ZNF7: variants seen among roughly 807,000 people sequenced by gnomAD.
The protein encoded by ZNF7 is zinc finger protein 7.
Under a neutral mutation model 12.0 loss-of-function variants are expected in ZNF7, and 10 were observed. The observed-to-expected ratio is 0.83, with a 90% CI of 0.51 to 1.42. ZNF7 has a LOEUF of 1.42. ZNF7 is among the 40% of genes most tolerant of loss of function. The pLI is 0.00. For synonymous variants in ZNF7, 334 were observed against 295.0 expected, an observed-to-expected ratio of 1.13 and a Z score of -1.35; for missense variants, 854 against 837.2, an observed-to-expected ratio of 1.02 and a Z score of -0.25.
intron 3 of ZNF7, 57 bp from the exon 4 acceptor site, chr8:144,837,334 C>T: frequency 2.1e-6 from 3 of 1,455,950 alleles, no homozygotes; most frequent in East Asian, 2.3e-5. Context: ...AGACTTAGCC[C>T]TGTGCTGCAC....
At chr8:144,829,146 GCT>G in intron 2 of ZNF7, 56 bp downstream of exon 2, 14 of 1,611,346 alleles carry the variant, frequency 8.7e-6, no homozygotes, top group Non-Finnish European at 1.2e-5. Flanking sequence ...CCCACCTCCT[GCT>G]CTGCCCACTG....
At chr8:144,846,311 C>T, downstream of ZNF7, 4 of 858,316 alleles carry the variant, frequency 4.7e-6, no homozygotes, top group Non-Finnish European at 6.9e-6. Flanking sequence ...GGTCCTAAGT[C>T]AGGGGCTGGC....
intron 3 of ZNF7, among the ~76,000 whole-genome samples, chr8:144,832,589 G>T (rs1353510180): frequency 6.6e-6 from 1 of 151,862 alleles, no homozygotes; most frequent in Non-Finnish European, 1.5e-5. Flanking sequence ...TTAGCCAGGC[G>T]TGGTGGCGGG....
At chr8:144,831,393 G>A (rs535396959) in intron 3 of ZNF7, among the ~76,000 whole-genome samples, 73 of 139,998 alleles carry the variant, frequency 5.2e-4, no homozygotes, top group Non-Finnish European at 7.1e-4. Context: ...GGGCAAGCTC[G>A]TGTGTGCACA....
At position 144,842,838 on chromosome 8, in the gene ZNF7, G is replaced by T; in HGVS notation, c.1731G>T (p.Gly577=). The T allele has an allele frequency of 6.2e-7, 1 of 1,614,126 alleles. No individual in the cohort carries two copies. The highest frequency in any genetic ancestry group is 8.5e-7 in the Non-Finnish European group (1 of 1,180,024). The stretch of plus-strand genomic sequence containing the variant: ...TCCAACACCAGATAATTCATGCAGG[G>T]GTGAAGCCCTATGAGTGCAGTGAGT... ...TLFQHQIIHA[G]VKPYECSECG... is the part of the protein sequence containing the mutation. Residue 577 remains glycine (G), a synonymous_variant, in exon 5 of 5, where the codon GGG becomes GGT. Coordinates refer to ENST00000532777, the MANE Select transcript of ZNF7 (RefSeq NM_003416.4).
Position 144,842,004 on chromosome 8 carries a change from C to T in ZNF7, c.897C>T (p.Ile299=). 1 of 1,614,174 alleles carries T rather than the reference C, an allele frequency of 6.2e-7. No homozygotes were observed. Among genetic ancestry groups the T allele is most frequent in the Non-Finnish European group, 8.5e-7 (1 of 1,180,034 alleles). The part of the protein sequence containing the change: ...LSSKLIQHQR[I]HTGEKPYRCE... ...CAAAACTTATTCAGCATCAAAGAAT[C>T]CACACTGGGGAGAAGCCCTACAGAT... The change falls in exon 5 of 5, where the codon ATC becomes ATT. Residue 299 remains isoleucine, a synonymous_variant. Coordinates refer to ENST00000532777, the MANE Select transcript of ZNF7 (RefSeq NM_003416.4).
chr8:144,839,066 G>C (rs1277207442), intron 4 of ZNF7, among the ~76,000 whole-genome samples: 13 of 53,388 alleles, frequency 2.4e-4, no homozygotes, highest in African/African-American at 4.6e-4. Context: ...ATTCATATGC[G>C]CCTAGGGGCT....
In ZNF7 at chr8:144,842,369, C is replaced by T; in HGVS notation, c.1262C>T (p.Ala421Val). The T allele has an allele frequency of 1.2e-6, 2 of 1,614,048 alleles. No individual in the cohort carries two copies. Among genetic ancestry groups the T allele is most frequent in the Non-Finnish European group, 1.7e-6 (2 of 1,180,046 alleles). ...TTTAAGTGTGATGAGTGTGGGAAAG[C>T]TTTTAGGTGGATCTCTCGCCTGAGT... ...KPFKCDECGK[A>V]FRWISRLSQH... The change falls in exon 5 of 5, where the codon GCT becomes GTT. Residue 421 changes from alanine (A) to valine (V), a missense_variant. By Grantham distance (64) the Ala-to-Val change is moderately conservative. Transcript: ENST00000532777.
downstream of ZNF7, chr8:144,846,113 C>G (rs1191781858): frequency 5.2e-6 from 8 of 1,536,000 alleles, no homozygotes; most frequent in Non-Finnish European, 7.0e-6. Flanking sequence ...GTCATCTCCT[C>G]TTGGCCACTT....
At chr8:144,840,781 C>T (rs1232569864) in intron 4 of ZNF7, among the ~76,000 whole-genome samples, 1 of 152,168 alleles carries the variant, frequency 6.6e-6, no homozygotes, top group Non-Finnish European at 1.5e-5. Context: ...TTGGCAGCAG[C>T]AGCCAGGAGG....
downstream of ZNF7, chr8:144,846,354 G>A (rs1325714755): frequency 1.6e-6 from 1 of 628,332 alleles, no homozygotes; most frequent in Non-Finnish European, 2.7e-6. Flanking sequence ...TTTCTGAATG[G>A]TTGGGGAGAA....
At chr8:144,835,594 T>G (rs757975037) in intron 3 of ZNF7, 4 of 152,250 alleles carry the variant, frequency 2.6e-5, no homozygotes, top group Admixed American at 1.3e-4. Context: ...TGATTGGTTT[T>G]GTCATCAGTC....
At position 144,843,323 on chromosome 8, in the gene ZNF7, C is replaced by T. The variant is rs543905701; in HGVS notation, c.*155C>T. The T allele has an allele frequency of 1.7e-5, 17 of 986,592 alleles. No individual in the cohort carries two copies. The highest frequency in any genetic ancestry group is 5.8e-5 in the South Asian group (3 of 51,966). The allele number at this position is 986,592 out of a possible 1,614,324, so 61.1% of individuals were successfully genotyped here. ...TCCAACTTCAGGCCGAGTGTGGTGGCTTATGCCTGTCATCCCAGCACTTTG... is the reference window on the plus strand; with the variant it reads ...TCCAACTTCAGGCCGAGTGTGGTGGTTTATGCCTGTCATCCCAGCACTTTG... On this transcript the variant is annotated 3_prime_UTR_variant, in exon 5 of 5. Coordinates refer to ENST00000532777, the MANE Select transcript of ZNF7 (RefSeq NM_003416.4).
At position 144,831,188 on chromosome 8, in the gene ZNF7, C is replaced by A. The variant is rs764151117; in HGVS notation, c.130+1584C>A. Among the ~76,000 whole-genome samples the A allele has an allele frequency of 4.7e-4, 72 of 152,236 alleles. 1 individual carries two copies. The highest frequency in any genetic ancestry group is 1.5e-4 in the Non-Finnish European group (10 of 68,046). Reference sequence around the variant, plus strand: ...GTAACTGGAATTGCAGTCATTCCCCCAGCAGCAGTTTGCTTCTCCAGGCTC... The same window carrying A: ...GTAACTGGAATTGCAGTCATTCCCCAAGCAGCAGTTTGCTTCTCCAGGCTC... On this transcript the variant is annotated intron_variant, in intron 3 of 4. Transcript: ENST00000532777.
rs571151175 is a variant in ZNF7, at chr8:144,838,183, C to T, written c.247+676C>T. ...CACTCTGATCTCCGACTCCTTCACACGGCTGCCTTCTCCCTGCGTGTCTGT... is the reference window on the plus strand; with the variant it reads ...CACTCTGATCTCCGACTCCTTCACATGGCTGCCTTCTCCCTGCGTGTCTGT... On this transcript the variant is annotated intron_variant, in intron 4 of 4. Transcript: ENST00000532777. The T allele has an allele frequency of 1.7e-3, 1,220 of 701,768 alleles. 1 individual carries two copies. Among genetic ancestry groups the T allele is most frequent in the Middle Eastern group, 2.5e-3 (11 of 4,356 alleles). 43.5% of individuals were successfully genotyped at this position (701,768 alleles called of 1,614,324 possible).
In ZNF7 at chr8:144,842,988, T is replaced by C. The variant is rs1190916831; in HGVS notation, c.1881T>C (p.Val627=). 1.2e-6 allele frequency: 2 copies of C among 1,614,186 alleles called. No homozygotes were observed. Among genetic ancestry groups the C allele is most frequent in the Non-Finnish European group, 8.5e-7 (1 of 1,180,034 alleles). The change falls in exon 5 of 5, where the codon GTT becomes GTC. Residue 627 remains valine, a synonymous_variant. Coordinates refer to ENST00000532777, the MANE Select transcript of ZNF7 (RefSeq NM_003416.4). ...EGSTFVSRKK[V]NTIKKLHQCE... ...CCACCTTTGTGAGCCGTAAAAAGGT[T>C]AATACTATAAAGAAACTGCATCAGT...
chr8:144,828,999 G>A (rs1828121332), intron 1 of ZNF7, 44 bp from the exon 2 acceptor site: 6 of 1,599,662 alleles, frequency 3.8e-6, no homozygotes, highest in Non-Finnish European at 5.1e-6. Context: ...TGGAAGTTGG[G>A]CTTCTGGCAC....
In ZNF7 at chr8:144,827,600, C is replaced by T. The variant is rs894381648; in HGVS notation, c.-55C>T. 1.5e-5 allele frequency: 15 copies of T among 985,574 alleles called. No individual in the cohort carries two copies. The highest frequency in any genetic ancestry group is 1.1e-4 in the East Asian group (1 of 8,838). The allele number at this position is 985,574 out of a possible 1,614,324, so 61.1% of individuals were successfully genotyped here. On this transcript the variant is annotated 5_prime_UTR_variant, in exon 1 of 5. Coordinates refer to ENST00000532777, the MANE Select transcript of ZNF7 (RefSeq NM_003416.4). ...GCGCGTTTGCGAGCCTCGGGTGGTC[C>T]TCAGGGAGGGTGAGTCGGCGCGGCG...
In ZNF7 at chr8:144,842,769, A is replaced by G; in HGVS notation, c.1662A>G (p.Lys554=). The G allele has an allele frequency of 6.2e-7, 1 of 1,614,158 alleles. No individual in the cohort carries two copies. Among genetic ancestry groups the G allele is most frequent in the Non-Finnish European group, 8.5e-7 (1 of 1,180,042 alleles). The change falls in exon 5 of 5, where the codon AAA becomes AAG. Residue 554 remains lysine (K), a synonymous_variant. Coordinates refer to ENST00000532777, the MANE Select transcript of ZNF7 (RefSeq NM_003416.4). ...TTCACACTGGAGAGAGGCCCTATAAATGTAATGAATGTGGGAAAGCCTTCA... is the reference window on the plus strand; with the variant it reads ...TTCACACTGGAGAGAGGCCCTATAAGTGTAATGAATGTGGGAAAGCCTTCA... ...QRVHTGERPY[K]CNECGKAFSQ...
Sources: allele counts gnomAD v4.1 joint callset (sites outside exome capture counted in the v4.1 genomes callset), GRCh38; gene constraint gnomAD v4.1.1; transcripts MANE v1.5; gene names NCBI Gene and HGNC (gene_info 2026-07-23, HGNC 2026-07-21).